STK32A: variants seen among roughly 807,000 people sequenced by gnomAD.
STK32A encodes serine/threonine-protein kinase 32A.
A neutral mutation model predicts 53.2 loss-of-function variants in STK32A; 41 were observed. That is an observed-to-expected ratio of 0.77 (90% CI 0.60 to 1.00). The LOEUF is 1.00. STK32A is among the 50% of genes least tolerant of loss of function. The pLI, the probability that STK32A is intolerant of heterozygous loss-of-function variation, is 0.00. For synonymous variants in STK32A, 166 were observed against 162.8 expected (o/e 1.02, Z -0.15); for missense variants, 458 against 485.8 (o/e 0.94, Z 0.54).
chr5:147,311,067 C>T (rs776043733), intron 4 of STK32A, among the ~76,000 whole-genome samples: 1 of 152,088 alleles, frequency 6.6e-6, no homozygotes, highest in African/African-American at 2.4e-5. Flanking sequence ...TTTTACTGTG[C>T]AAACTGTAGA....
At chr5:147,336,524 G>A (rs1229024242) in intron 5 of STK32A, among the ~76,000 whole-genome samples, 1 of 152,082 alleles carries the variant, frequency 6.6e-6, no homozygotes, top group Non-Finnish European at 1.5e-5. Context: ...TACTTACATG[G>A]AATACTATAT....
At chr5:147,295,291 A>G (rs1019624666) in intron 4 of STK32A, among the ~76,000 whole-genome samples, 1 of 152,234 alleles carries the variant, frequency 6.6e-6, no homozygotes, top group African/African-American at 2.4e-5. Flanking sequence ...ATACACTTCT[A>G]TCTCATTTAC....
At chr5:147,302,685 A>G (rs1753198036) in intron 4 of STK32A, among the ~76,000 whole-genome samples, 1 of 152,168 alleles carries the variant, frequency 6.6e-6, no homozygotes, top group South Asian at 2.1e-4. Flanking sequence ...AGTCATTTAT[A>G]GAATAAGAAC....
At chr5:147,247,883 A>T (rs1347099320) in intron 2 of STK32A, among the ~76,000 whole-genome samples, 1 of 152,106 alleles carries the variant, frequency 6.6e-6, no homozygotes, top group Non-Finnish European at 1.5e-5. Flanking sequence ...GCACTTTGGG[A>T]GGCCGAGGTG....
At chr5:147,242,703 A>G (rs914922593) in intron 2 of STK32A, among the ~76,000 whole-genome samples, 1 of 152,374 alleles carries the variant, frequency 6.6e-6, no homozygotes, top group African/African-American at 2.4e-5. Flanking sequence ...ACGTTCTCTC[A>G]TGAGCACTAG....
rs376243554 is a variant in STK32A, at chr5:147,321,988, G to T, written c.261-1910G>T. The stretch of plus-strand genomic sequence containing the variant: ...CAATCATTCTTTCTCTTACCTTAGC[G>T]GAGAACAGCCTGAGGTGCAGCAGGT... On this transcript the variant is annotated intron_variant, in intron 4 of 12. Coordinates refer to ENST00000397936, the MANE Select transcript of STK32A (RefSeq NM_001112724.2). Among the ~76,000 whole-genome samples, 11 of 152,186 alleles carry T rather than the reference G, an allele frequency of 7.2e-5. No homozygotes were observed. In the East Asian group the frequency reaches 1.2e-3, roughly 16 times the overall value.
chr5:147,252,445 T>A (rs1461148274), intron 2 of STK32A, among the ~76,000 whole-genome samples: 1 of 152,134 alleles, frequency 6.6e-6, no homozygotes, highest in Non-Finnish European at 1.5e-5. Context: ...TCAGTGGGTT[T>A]TCTGGTAGTC....
chr5:147,334,500 A>G (rs569207478), intron 5 of STK32A, among the ~76,000 whole-genome samples: 22 of 152,316 alleles, frequency 1.4e-4, no homozygotes, highest in African/African-American at 4.8e-4. Flanking sequence ...ATAAACATGG[A>G]GTCCTGACTT....
At chr5:147,298,343 G>A (rs1752967957) in intron 4 of STK32A, among the ~76,000 whole-genome samples, 1 of 152,214 alleles carries the variant, frequency 6.6e-6, no homozygotes, top group South Asian at 2.1e-4. Context: ...TTAGAAACTT[G>A]TAGGTACTAT....
At chr5:147,260,665 C>A (rs547855925) in intron 2 of STK32A, among the ~76,000 whole-genome samples, 5 of 152,232 alleles carry the variant, frequency 3.3e-5, no homozygotes, top group Middle Eastern at 3.4e-3. Flanking sequence ...CTGTTTCCCC[C>A]ACTCTGATGG....
intron 2 of STK32A, among the ~76,000 whole-genome samples, chr5:147,258,837 A>C (rs1754356663): frequency 6.6e-6 from 1 of 152,124 alleles, no homozygotes; most frequent in Admixed American, 6.5e-5. Flanking sequence ...AAAACCTTCT[A>C]AGTTTGGGAT....
intron 5 of STK32A, among the ~76,000 whole-genome samples, chr5:147,338,704 A>G (rs1178894040): frequency 2.6e-5 from 4 of 152,214 alleles, no homozygotes; most frequent in African/African-American, 9.7e-5. Flanking sequence ...GGAACTTACC[A>G]GGAACTAGAG....
intron 8 of STK32A, among the ~76,000 whole-genome samples, chr5:147,365,125 A>G (rs1037804943): frequency 6.6e-6 from 1 of 152,178 alleles, no homozygotes; most frequent in South Asian, 2.1e-4. Context: ...TCTGCATTAA[A>G]AATGCCATCT....
chr5:147,401,078 A>G, the STK32A span, among the ~76,000 whole-genome samples: 1 of 152,250 alleles, frequency 6.6e-6, no homozygotes, highest in Non-Finnish European at 1.5e-5. Context: ...AAATGTACTC[A>G]AATGAGCAAT....
At chr5:147,294,410 C>T (rs77934677) in intron 4 of STK32A, among the ~76,000 whole-genome samples, 41,436 of 151,492 alleles carry the variant, frequency 0.27, 5,942 homozygotes, top group South Asian at 0.5. Context: ...TACAGGCATG[C>T]ACCACCATGC....
intron 2 of STK32A, among the ~76,000 whole-genome samples, chr5:147,272,222 G>A (rs9325038): frequency 0.59 from 89,644 of 151,858 alleles, 26,838 homozygotes; most frequent in African/African-American, 0.67. Flanking sequence ...GATTATAGGC[G>A]CACACCACCA....
intron 4 of STK32A, among the ~76,000 whole-genome samples, chr5:147,284,099 G>T (rs547791167): frequency 6.6e-6 from 1 of 152,064 alleles, no homozygotes; most frequent in Admixed American, 6.5e-5. Context: ...TCATATCAGG[G>T]ATGCAGGAAT....
At chr5:147,328,992 C>T (rs1017639385) in intron 5 of STK32A, among the ~76,000 whole-genome samples, 9 of 151,952 alleles carry the variant, frequency 5.9e-5, no homozygotes, top group Non-Finnish European at 8.8e-5. Context: ...CCCACTATAA[C>T]GAGGTTATAA....
At chr5:147,343,945 T>A (rs568254450) in intron 6 of STK32A, among the ~76,000 whole-genome samples, 1 of 152,354 alleles carries the variant, frequency 6.6e-6, no homozygotes, top group South Asian at 2.1e-4. Context: ...TTACACCCTC[T>A]AGAATAAGCT....
Sources: gnomAD v4.1 joint callset for allele counts (sites outside exome capture counted in the v4.1 genomes callset) on GRCh38, gnomAD v4.1.1 for gene constraint, MANE v1.5 for transcripts, NCBI Gene and HGNC (gene_info 2026-07-23, HGNC 2026-07-21) for gene names.